The following NEGR1 variants were observed in gnomAD, a reference collection of about 807,000 sequenced individuals.
The protein encoded by NEGR1 is neuronal growth regulator 1, also known as IgLON family member 4.
In NEGR1, 10 loss-of-function variants were observed where a neutral mutation model predicts 40.9. The observed-to-expected ratio is 0.24, with a 90% CI of 0.15 to 0.42. The LOEUF (loss-of-function observed/expected upper bound fraction) is 0.42, where lower values mean the gene tolerates loss of function less well. Among genes scored for constraint, NEGR1 ranks in the 10% least tolerant of loss-of-function variants. The pLI is 1.00. For synonymous variants in NEGR1, 185 were observed against 166.8 expected, an observed-to-expected ratio of 1.11 and a Z score of -0.84; for missense variants, 352 against 438.9, an observed-to-expected ratio of 0.80 and a Z score of 1.77.
intron 2 of NEGR1, among the ~76,000 whole-genome samples, chr1:71,824,233 C>A (rs781286001): frequency 1.3e-5 from 2 of 151,822 alleles, no homozygotes; most frequent in Non-Finnish European, 2.9e-5. Context: ...AGGGCAAAAC[C>A]TAGTTAATTT....
chr1:71,912,939 C>G (rs936580201), intron 2 of NEGR1, among the ~76,000 whole-genome samples: 1 of 151,918 alleles, frequency 6.6e-6, no homozygotes, highest in Non-Finnish European at 1.5e-5. Context: ...TATCTTTTAT[C>G]TGACATTTTT....
At chr1:71,996,229 A>C (rs1646503636) in intron 1 of NEGR1, among the ~76,000 whole-genome samples, 1 of 152,158 alleles carries the variant, frequency 6.6e-6, no homozygotes, top group Non-Finnish European at 1.5e-5. Context: ...TTTTAGATAA[A>C]ACATACTTTC....
intron 2 of NEGR1, among the ~76,000 whole-genome samples, chr1:71,898,915 A>AAT (rs1172826073): frequency 7.5e-6 from 1 of 133,940 alleles, no homozygotes; most frequent in Admixed American, 7.7e-5. Context: ...ATATATTGCA[A>AAT]ATATATATTT....
intron 2 of NEGR1, among the ~76,000 whole-genome samples, chr1:71,919,887 T>C (rs966426686): frequency 6.6e-6 from 1 of 152,182 alleles, no homozygotes; most frequent in African/African-American, 2.4e-5. Flanking sequence ...ACTGAATGGA[T>C]AACTTTGAAC....
intron 2 of NEGR1, among the ~76,000 whole-genome samples, chr1:71,843,363 G>A (rs919158448): frequency 2.6e-5 from 4 of 152,058 alleles, no homozygotes; most frequent in African/African-American, 4.8e-5. Context: ...AGTATATCTG[G>A]GTCAATTTAA....
chr1:72,005,611 G>A (rs568683509), intron 1 of NEGR1, among the ~76,000 whole-genome samples: 6 of 151,962 alleles, frequency 3.9e-5, no homozygotes, highest in East Asian at 1.9e-4. Context: ...TAGCTTTTGC[G>A]CATTTTAGCT....
chr1:72,155,482 C>A (rs1244705079), intron 1 of NEGR1, among the ~76,000 whole-genome samples: 1 of 151,896 alleles, frequency 6.6e-6, no homozygotes, highest in Non-Finnish European at 1.5e-5. Context: ...GTAATTTAAT[C>A]ATGACCCAAA....
intron 2 of NEGR1, among the ~76,000 whole-genome samples, chr1:71,910,000 C>A (rs2101872215): frequency 6.6e-6 from 1 of 152,220 alleles, no homozygotes; most frequent in East Asian, 1.9e-4. Context: ...GGAAGAAAAG[C>A]AAGAAATTAA....
chr1:72,147,437 T>A (rs1650951415), intron 1 of NEGR1, among the ~76,000 whole-genome samples: 1 of 152,080 alleles, frequency 6.6e-6, no homozygotes, highest in African/African-American at 2.4e-5. Flanking sequence ...CCCCCATGAT[T>A]CAACTACCTA....
intron 1 of NEGR1, among the ~76,000 whole-genome samples, chr1:72,065,428 G>C (rs1348174298): frequency 6.6e-6 from 1 of 152,024 alleles, no homozygotes; most frequent in Non-Finnish European, 1.5e-5. Flanking sequence ...CACAGATTTA[G>C]ATGTGAAACT....
chr1:71,559,758 A>C (rs1428541353), intron 6 of NEGR1, among the ~76,000 whole-genome samples: 2 of 151,482 alleles, frequency 1.3e-5, no homozygotes, highest in African/African-American at 4.8e-5. Context: ...AGGCAATCTA[A>C]TACTCAGCAG....
intron 1 of NEGR1, among the ~76,000 whole-genome samples, chr1:72,081,412 C>A (rs1647991824): frequency 6.6e-6 from 1 of 152,080 alleles, no homozygotes; most frequent in Non-Finnish European, 1.5e-5. Context: ...AATTTTACAT[C>A]TGAAAGAAGC....
chr1:71,999,670 TATATATATAC>T lies in NEGR1; in HGVS notation c.177-64369_177-64360del, dbSNP rs1423633329. Among the ~76,000 whole-genome samples the T allele has an allele frequency of 5.7e-4, 29 of 51,108 alleles. 3 individuals carry two copies. Among genetic ancestry groups the T allele is most frequent in the African/African-American group, 1.6e-3 (27 of 17,066 alleles). The allele number at this position is 51,108 out of a possible 152,430, so 33.5% of individuals were successfully genotyped here. ...ATATATATATATATATATATATATATATATATATACATACATATTTTTGTCCGGTCTCGGA... is the reference window on the plus strand; with the variant it reads ...ATATATATATATATATATATATATATATACATATTTTTGTCCGGTCTCGGA... On this transcript the variant is annotated intron_variant, in intron 1 of 6. Coordinates refer to ENST00000357731, the MANE Select transcript of NEGR1 (RefSeq NM_173808.3).
chr1:71,659,205 G>A (rs1287881943), intron 4 of NEGR1, among the ~76,000 whole-genome samples: 2 of 152,090 alleles, frequency 1.3e-5, no homozygotes, highest in African/African-American at 4.8e-5. Flanking sequence ...AGGGTTATTT[G>A]AGCAATGCAA....
chr1:72,061,044 G>T (rs904316411), intron 1 of NEGR1, among the ~76,000 whole-genome samples: 18 of 151,626 alleles, frequency 1.2e-4, no homozygotes, highest in African/African-American at 4.4e-4. Flanking sequence ...GAAATAAAGG[G>T]AGACTTGTGG....
At chr1:71,690,271 T>A (rs1001990662) in intron 4 of NEGR1, among the ~76,000 whole-genome samples, 1 of 151,950 alleles carries the variant, frequency 6.6e-6, no homozygotes, top group Non-Finnish European at 1.5e-5. Flanking sequence ...GGCTCTCACA[T>A]ATTGGCTTAA....
intron 1 of NEGR1, among the ~76,000 whole-genome samples, chr1:72,096,299 G>A (rs930629907): frequency 2.6e-5 from 4 of 151,968 alleles, no homozygotes; most frequent in African/African-American, 4.8e-5. Flanking sequence ...CAAAATTTGC[G>A]CAGAGAAGAT....
chr1:71,690,177 T>C (rs1653205935), intron 4 of NEGR1, among the ~76,000 whole-genome samples: 1 of 151,922 alleles, frequency 6.6e-6, no homozygotes, highest in Non-Finnish European at 1.5e-5. Context: ...GACATAAGCA[T>C]ATTTGGCAAT....
At chr1:72,255,751 A>G (rs1442217921) in intron 1 of NEGR1, among the ~76,000 whole-genome samples, 1 of 151,960 alleles carries the variant, frequency 6.6e-6, no homozygotes. Context: ...GGGTTTCACC[A>G]TGTTGGCCAG....
Sources: gnomAD v4.1 joint callset for allele counts (sites outside exome capture counted in the v4.1 genomes callset) on GRCh38, gnomAD v4.1.1 for gene constraint, MANE v1.5 for transcripts, NCBI Gene and HGNC (gene_info 2026-07-23, HGNC 2026-07-21) for gene names.